CENPE: variants seen among roughly 807,000 people sequenced by gnomAD.
CENPE encodes the protein centromere protein E.
Under a neutral mutation model 336.1 loss-of-function variants are expected in CENPE, and 145 were observed. That is an observed-to-expected ratio of 0.43 (90% CI 0.38 to 0.50). CENPE has a LOEUF of 0.50. Among genes scored for constraint, CENPE ranks in the 20% least tolerant of loss-of-function variants. The pLI is 0.00. For synonymous variants in CENPE, 1,013 were observed against 984.8 expected (o/e 1.03, Z -0.54); for missense variants, 2,719 against 3,023.3 (o/e 0.90, Z 2.36).
At chr4:103,118,278 T>C (rs114652277) in intron 44 of CENPE, among the ~76,000 whole-genome samples, 1,626 of 152,322 alleles carry the variant, frequency 0.011, 36 homozygotes, top group African/African-American at 0.037. Flanking sequence ...AGGTTTGTAA[T>C]GGTCGATTAT....
At chr4:103,158,503 CAA>C in intron 23 of CENPE, 45 bp from the exon 24 acceptor site, 1 of 1,511,088 alleles carries the variant, frequency 6.6e-7, no homozygotes, top group Non-Finnish European at 8.9e-7. Context: ...GAATATGAAA[CAA>C]AATTATTTTG....
At chr4:103,140,167 C>T (rs1365640356) in intron 37 of CENPE, 88 bp from the exon 38 acceptor site, 2 of 1,438,176 alleles carry the variant, frequency 1.4e-6, no homozygotes, top group South Asian at 1.3e-5. Context: ...ATGCACATAT[C>T]TATCTACATA....
At chr4:103,190,001 GACAA>G (rs1392229586) in intron 8 of CENPE, among the ~76,000 whole-genome samples, 8 of 152,080 alleles carry the variant, frequency 5.3e-5, no homozygotes, top group South Asian at 2.1e-4. Context: ...ACCAATAACA[GACAA>G]ACAGAGAGAC....
chr4:103,188,582 C>T (rs560144158), intron 8 of CENPE, among the ~76,000 whole-genome samples: 1 of 152,276 alleles, frequency 6.6e-6, no homozygotes, highest in Admixed American at 6.5e-5. Flanking sequence ...TAAAGATGTT[C>T]TTTGAAACCA....
chr4:103,156,155 A>G (rs1322657127), intron 24 of CENPE, among the ~76,000 whole-genome samples: 1 of 152,190 alleles, frequency 6.6e-6, no homozygotes, highest in Admixed American at 6.5e-5. Context: ...TAAGACATCA[A>G]TACTACCGAA....
chr4:103,154,012 T>C (rs965128611), intron 24 of CENPE, among the ~76,000 whole-genome samples: 1 of 152,154 alleles, frequency 6.6e-6, no homozygotes, highest in African/African-American at 2.4e-5. Flanking sequence ...CACGACCAAA[T>C]GTAACCTAAT....
chr4:103,148,998 C>T lies in CENPE; in HGVS notation c.3689G>A (p.Gly1230Asp), dbSNP rs777085680. 21 of 1,608,776 alleles carry T rather than the reference C, an allele frequency of 1.3e-5. No individual in the cohort carries two copies. The South Asian group carries it at 2.3e-4, about 18-fold the overall frequency. Reference protein sequence around the residue: ...RGYIREIEATGLQTKEELKIA... With the variant: ...RGYIREIEATDLQTKEELKIA... ...TTTTAGTTCTTCTTTGGTTTGTAGG[C>T]CCTTGGCGAGTGAAATTTAAAGAAT... Residue 1230 changes from glycine (G) to aspartate (D), a missense_variant and splice_region_variant, in exon 28 of 49, where the codon GGC becomes GAC. By Grantham distance (94) the Gly-to-Asp change is moderately conservative. Around this residue, in one of 5 missense-constraint regions of CENPE, gnomAD observed 2,437 missense variants for 2,513.3 expected, o/e 0.97. Transcript: ENST00000265148.
At chr4:103,132,478 A>C (rs1751671767) in intron 42 of CENPE, among the ~76,000 whole-genome samples, 1 of 152,108 alleles carries the variant, frequency 6.6e-6, no homozygotes, top group Admixed American at 6.5e-5. Flanking sequence ...TCACAAGTGG[A>C]AACTAAATAT....
At position 103,144,482 on chromosome 4, in the gene CENPE, G is replaced by A. The variant is rs781248304; in HGVS notation, c.4994C>T (p.Thr1665Met). Reference sequence around the variant, plus strand: ...TATCTGAGTCAACCTTATATTCTCCGTTTCTATGTTTTCCAGGTTTAACTT... The same window carrying A: ...TATCTGAGTCAACCTTATATTCTCCATTTCTATGTTTTCCAGGTTTAACTT... ...TQKLNLENIE[T>M]ENIRLTQILH... Residue 1665 changes from threonine (T) to methionine (M), a missense_variant, in exon 33 of 49, where the codon ACG becomes ATG. Thr to Met is a moderately conservative substitution (Grantham distance 81). Coordinates refer to ENST00000265148, the MANE Select transcript of CENPE (RefSeq NM_001813.3). 5.9e-5 allele frequency: 95 copies of A among 1,613,778 alleles called. No individual in the cohort carries two copies. The highest frequency in any genetic ancestry group is 7.5e-5 in the Non-Finnish European group (88 of 1,179,978).
chr4:103,151,165 A>G, intron 26 of CENPE, 54 bp downstream of exon 26: 1 of 1,453,940 alleles, frequency 6.9e-7, no homozygotes. Context: ...AAAAATTACC[A>G]AAAAAAAAGT....
chr4:103,113,992 C>G (rs1299213792), intron 46 of CENPE, among the ~76,000 whole-genome samples: 1 of 151,986 alleles, frequency 6.6e-6, no homozygotes, highest in African/African-American at 2.4e-5. Flanking sequence ...AGATAAATTT[C>G]AAAGACCTTT....
Position 103,143,512 on chromosome 4 carries a change from C to T in CENPE, c.5146-106G>A, listed in dbSNP as rs77247613. The T allele has an allele frequency of 2.7e-4, 191 of 720,066 alleles. No homozygotes were observed. In the African/African-American group the frequency reaches 3.1e-3, roughly 12 times the overall value. 44.6% of individuals were successfully genotyped at this position (720,066 alleles called of 1,614,324 possible). A position where few individuals can be genotyped will look rare whatever the true frequency, so the allele number is the denominator to read the frequency against. On this transcript the variant is annotated intron_variant, in intron 33 of 48. Coordinates refer to ENST00000265148, the MANE Select transcript of CENPE (RefSeq NM_001813.3). ...AAAATCTTCCACCCTCTTCTGAGGCCTCCTAGTTCTCACCCTCTAAGCTAC... is the reference window on the plus strand; with the variant it reads ...AAAATCTTCCACCCTCTTCTGAGGCTTCCTAGTTCTCACCCTCTAAGCTAC...
intron 16 of CENPE, among the ~76,000 whole-genome samples, chr4:103,170,469 G>A (rs1378145822): frequency 6.6e-6 from 1 of 152,112 alleles, no homozygotes; most frequent in Non-Finnish European, 1.5e-5. Context: ...TCTGTTATCA[G>A]TTTAAAATAA....
In CENPE at chr4:103,159,280, T is replaced by C; in HGVS notation, c.2331A>G (p.Lys777=). 6.4e-7 allele frequency: 1 copy of C among 1,574,112 alleles called. No individual in the cohort carries two copies. The highest frequency in any genetic ancestry group is 2.3e-5 in the East Asian group (1 of 43,994). Residue 777 remains lysine (K), a synonymous_variant, in exon 22 of 49, where the codon AAA becomes AAG. Transcript: ENST00000265148. The stretch of plus-strand genomic sequence containing the variant: ...GAACTACTTCAGAAAACAATTTATC[T>C]TTTTCTGATGTTATTATATGGAGCT... The part of the protein sequence containing the change: ...SEELHIITSE[K]DKLFSEVVHK...
At chr4:103,119,926 A>G (rs1472951826) in intron 44 of CENPE, among the ~76,000 whole-genome samples, 1 of 152,118 alleles carries the variant, frequency 6.6e-6, no homozygotes, top group Non-Finnish European at 1.5e-5. Context: ...ATATCTTAAA[A>G]ATTATTCTTC....
At position 103,140,295 on chromosome 4, in the gene CENPE, T is replaced by C. The variant is rs35862123; in HGVS notation, c.5874A>G (p.Gln1958=). 3.9e-4 allele frequency: 621 copies of C among 1,604,478 alleles called. 4 individuals carry two copies. In the African/African-American group the frequency reaches 7.6e-3, roughly 20 times the overall value. The part of the protein sequence containing the change: ...SEKTIQISDI[Q]KDLDKSKDEL... ...CATCTTTTGATTTATCTAAATCCTT[T>C]TGAATGTCTGAAATTTGAATTGTCT... is the stretch of plus-strand genomic sequence containing the variant. The change falls in exon 37 of 49, where the codon CAA becomes CAG. Residue 1958 remains glutamine, a synonymous_variant. Transcript: ENST00000265148.
chr4:103,174,833 A>T lies in CENPE; in HGVS notation c.1550T>A (p.Leu517Gln). The change falls in exon 16 of 49, where the codon CTA (leucine) becomes CAA (glutamine). Residue 517 changes from leucine (L) to glutamine (Q), a missense_variant. Around this residue, in one of 5 missense-constraint regions of CENPE, gnomAD observed 2,437 missense variants for 2,513.3 expected, o/e 0.97. Transcript: ENST00000265148. ...TTCCATTTCTTCTTTTTCTGTTCGT[A>T]GTTGTTCATAGTCTAATACCAGATT... is the stretch of plus-strand genomic sequence containing the variant. ...YDNLVLDYEQ[L>Q]RTEKEEMELK... The T allele has an allele frequency of 3.2e-6, 5 of 1,542,492 alleles. No individual in the cohort carries two copies. Among genetic ancestry groups the T allele is most frequent in the Non-Finnish European group, 3.5e-6 (4 of 1,143,806 alleles).
At position 103,195,909 on chromosome 4, in the gene CENPE, A is replaced by T; in HGVS notation, c.357+11T>A. 1 of 1,524,002 alleles carries T rather than the reference A, an allele frequency of 6.6e-7. No homozygotes were observed. Among genetic ancestry groups the T allele is most frequent in the Non-Finnish European group, 9.1e-7 (1 of 1,098,006 alleles). The allele number at this position is 1,524,002 out of a possible 1,614,324, so 94.4% of individuals were successfully genotyped here. A position where few individuals can be genotyped will look rare whatever the true frequency, so the allele number is the denominator to read the frequency against. Reference sequence around the variant, plus strand: ...ACCTGTACGTACTAGAAATCCAGTTAAGTTACTTACCTTCTTAATTTTTTG... The same window carrying T: ...ACCTGTACGTACTAGAAATCCAGTTTAGTTACTTACCTTCTTAATTTTTTG... On this transcript the variant is annotated intron_variant, in intron 4 of 48. Coordinates refer to ENST00000265148, the MANE Select transcript of CENPE (RefSeq NM_001813.3).
At chr4:103,112,338 CTT>C (rs1445602370) in intron 46 of CENPE, among the ~76,000 whole-genome samples, 5 of 141,690 alleles carry the variant, frequency 3.5e-5, no homozygotes, top group Non-Finnish European at 7.7e-5. Context: ...TATATATACA[CTT>C]ATATATAAGT....
Sources: gnomAD v4.1 joint callset for allele counts (sites outside exome capture counted in the v4.1 genomes callset) on GRCh38, gnomAD v4.1.1 for gene constraint, gnomAD v4.1.1 regional missense constraint, MANE v1.5 for transcripts, NCBI Gene and HGNC (gene_info 2026-07-23, HGNC 2026-07-21) for gene names.